PLBD1: variants seen among roughly 807,000 people sequenced by gnomAD.
PLBD1 encodes phospholipase B domain containing 1, also known as lysosomal leucine aminopeptidase.
PLBD1 carries 60 observed loss-of-function variants against 63.0 expected under a neutral mutation model. That is an observed-to-expected ratio of 0.95 (90% CI 0.77 to 1.18). The LOEUF (loss-of-function observed/expected upper bound fraction) is 1.18, where lower values mean the gene tolerates loss of function less well. Ranked by LOEUF, PLBD1 falls within the 50% of genes most tolerant of loss-of-function variation. The pLI is 0.00. For missense variants in PLBD1, 598 were observed against 677.9 expected (o/e 0.88, Z 1.31); for synonymous variants, 262 against 248.0 (o/e 1.06, Z -0.53).
chr12:14,564,201 A>G (rs1945763991), intron 1 of PLBD1, among the ~76,000 whole-genome samples: 3 of 152,150 alleles, frequency 2.0e-5, no homozygotes, highest in Non-Finnish European at 2.9e-5. Context: ...GCAAGGCCCT[A>G]TCTCCAAATA....
intron 8 of PLBD1, among the ~76,000 whole-genome samples, chr12:14,508,192 T>C (rs1945270814): frequency 6.6e-6 from 1 of 152,238 alleles, no homozygotes; most frequent in African/African-American, 2.4e-5. Flanking sequence ...GCTCAGGAAT[T>C]AGATTGCCTG....
At chr12:14,523,284 G>A (rs376115779) in intron 6 of PLBD1, among the ~76,000 whole-genome samples, 22 of 152,040 alleles carry the variant, frequency 1.4e-4, no homozygotes, top group African/African-American at 4.1e-4. Flanking sequence ...TTAACTAAGC[G>A]GGTGAAAGAT....
intron 4 of PLBD1, among the ~76,000 whole-genome samples, chr12:14,537,406 C>T (rs1307334806): frequency 6.6e-6 from 1 of 152,206 alleles, no homozygotes; most frequent in African/African-American, 2.4e-5. Context: ...TAGGTACCAG[C>T]AGCAACTTCA....
At chr12:14,506,633 C>T (rs1295487284) in intron 9 of PLBD1, among the ~76,000 whole-genome samples, 2 of 151,924 alleles carry the variant, frequency 1.3e-5, no homozygotes, top group African/African-American at 4.8e-5. Context: ...CTGCTGTTAT[C>T]CTTGGAAGGA....
At chr12:14,517,134 C>A (rs1296228176) in intron 6 of PLBD1, among the ~76,000 whole-genome samples, 2 of 152,072 alleles carry the variant, frequency 1.3e-5, no homozygotes, top group Non-Finnish European at 2.9e-5. Flanking sequence ...GAGTTCACTG[C>A]TCTTTTAGTT....
rs756748178 is a variant in PLBD1, at chr12:14,567,708, C to G, written c.-12G>C. On this transcript the variant is annotated 5_prime_UTR_variant, in exon 1 of 11. Transcript: ENST00000240617. Reference sequence around the variant, plus strand: ...CCGCCGCGGGTCATCGCTCCACGGCCGCGACCTTCCTCTGCGGGATCAGGC... The same window carrying G: ...CCGCCGCGGGTCATCGCTCCACGGCGGCGACCTTCCTCTGCGGGATCAGGC... 2 of 1,421,668 alleles carry G rather than the reference C, an allele frequency of 1.4e-6. No individual in the cohort carries two copies. Among genetic ancestry groups the G allele is most frequent in the South Asian group, 3.0e-5 (2 of 66,696 alleles). The allele number at this position is 1,421,668 out of a possible 1,614,324, so 88.1% of individuals were successfully genotyped here. A position where few individuals can be genotyped will look rare whatever the true frequency, so the allele number is the denominator to read the frequency against.
At chr12:14,556,665 G>A (rs1185701630) in intron 1 of PLBD1, among the ~76,000 whole-genome samples, 3 of 151,504 alleles carry the variant, frequency 2.0e-5, no homozygotes, top group Non-Finnish European at 4.4e-5. Context: ...CACCGTGCCT[G>A]GCCAACATTT....
chr12:14,553,857 G>A (rs540622022), intron 1 of PLBD1: 1 of 182,552 alleles, frequency 5.5e-6, no homozygotes, highest in Admixed American at 5.4e-5. Context: ...CAGGAGGGAC[G>A]CACATGGAGC....
chr12:14,549,464 G>T (rs555304664), intron 2 of PLBD1, among the ~76,000 whole-genome samples: 51 of 152,254 alleles, frequency 3.3e-4, no homozygotes, highest in African/African-American at 1.2e-3. Flanking sequence ...TGAGAAGGTG[G>T]GAAAATGACC....
At chr12:14,542,060 C>A in intron 3 of PLBD1, 148 bp downstream of exon 3, 1 of 596,976 alleles carries the variant, frequency 1.7e-6, no homozygotes, top group Non-Finnish European at 3.0e-6. Context: ...ATGCCATTAG[C>A]AAAAAGTGCT....
intron 6 of PLBD1, chr12:14,530,917 T>C (rs1005060445): frequency 1.3e-5 from 2 of 152,248 alleles, no homozygotes; most frequent in Non-Finnish European, 2.9e-5. Flanking sequence ...ACCCTTCTTG[T>C]TAGGGACAGA....
At chr12:14,507,199 T>C (rs1945263575) in intron 8 of PLBD1, 81 bp from the exon 9 acceptor site, 4 of 1,076,144 alleles carry the variant, frequency 3.7e-6, no homozygotes, top group South Asian at 1.6e-5. Flanking sequence ...AGAAATGTTA[T>C]CCATGTTCAT....
At position 14,503,966 on chromosome 12, in the gene PLBD1, G is replaced by C; in HGVS notation, c.1480-12C>G. 1 of 1,577,960 alleles carries C rather than the reference G, an allele frequency of 6.3e-7. No individual in the cohort carries two copies. The highest frequency in any genetic ancestry group is 8.7e-7 in the Non-Finnish European group (1 of 1,154,160). ...TAGATATCTGCCACCTGGAAAGAGG[G>C]AGGAGGAGGACATTTTAGAAAATCA... is the stretch of plus-strand genomic sequence containing the variant. On this transcript the variant is annotated splice_polypyrimidine_tract_variant and intron_variant, in intron 10 of 10. Transcript: ENST00000240617.
At position 14,534,606 on chromosome 12, in the gene PLBD1, T is replaced by G. The variant is rs956917005; in HGVS notation, c.844+1053A>C. Reference sequence around the variant, plus strand: ...TCGCCCAGGCTGGAGTGCAGTGGAGTGATCTCCGCTCACTGCAAGCTCCGC... The same window carrying G: ...TCGCCCAGGCTGGAGTGCAGTGGAGGGATCTCCGCTCACTGCAAGCTCCGC... On this transcript the variant is annotated intron_variant, in intron 6 of 10. Coordinates refer to ENST00000240617, the MANE Select transcript of PLBD1 (RefSeq NM_024829.6). 4.0e-5 allele frequency among the ~76,000 whole-genome samples: 6 copies of G among 150,548 alleles called. 1 individual carries two copies. Among genetic ancestry groups the G allele is most frequent in the East Asian group, 1.9e-4 (1 of 5,138 alleles).
At chr12:14,514,955 T>C (rs1591995239) in intron 6 of PLBD1, among the ~76,000 whole-genome samples, 1 of 152,238 alleles carries the variant, frequency 6.6e-6, no homozygotes, top group East Asian at 1.9e-4. Flanking sequence ...CACTCCAGTG[T>C]TTTATGAATG....
intron 9 of PLBD1, 116 bp from the exon 10 acceptor site, chr12:14,506,384 GCCT>G (rs1945256491): frequency 2.9e-6 from 2 of 701,650 alleles, no homozygotes; most frequent in African/African-American, 3.6e-5. Context: ...ACTCCCACAG[GCCT>G]CCTCAGCCCA....
At chr12:14,527,247 T>C (rs1945423707) in intron 6 of PLBD1, among the ~76,000 whole-genome samples, 2 of 152,176 alleles carry the variant, frequency 1.3e-5, no homozygotes. Context: ...GAAGGACTTT[T>C]GGCAGGGAAA....
chr12:14,556,976 C>T (rs1264872365), intron 1 of PLBD1, among the ~76,000 whole-genome samples: 2 of 78,564 alleles, frequency 2.5e-5, no homozygotes, highest in Non-Finnish European at 4.6e-5. Context: ...CAAACAAGAG[C>T]GGAATTCCCT....
intron 10 of PLBD1, among the ~76,000 whole-genome samples, chr12:14,504,832 A>T (rs1055564719): frequency 6.6e-6 from 1 of 152,170 alleles, no homozygotes; most frequent in South Asian, 2.1e-4. Flanking sequence ...ATTCAAAATG[A>T]CTCTAAAGAG....
Sources: allele counts gnomAD v4.1 joint callset (sites outside exome capture counted in the v4.1 genomes callset), GRCh38; gene constraint gnomAD v4.1.1; transcripts MANE v1.5; gene names NCBI Gene and HGNC (gene_info 2026-07-23, HGNC 2026-07-21).